Variants in MRPS9 observed in about 807,000 individuals in gnomAD.
MRPS9 encodes the protein mitochondrial ribosomal protein S9.
A neutral mutation model predicts 59.9 loss-of-function variants in MRPS9; 45 were observed. The ratio of observed to expected loss-of-function variants is 0.75; its 90% CI spans 0.59 to 0.96. The LOEUF is 0.96. MRPS9 is among the 40% of genes least tolerant of loss of function. The pLI is 0.00. For synonymous variants in MRPS9, 171 were observed against 166.8 expected, an observed-to-expected ratio of 1.03 and a Z score of -0.19; for missense variants, 473 against 481.1, an observed-to-expected ratio of 0.98 and a Z score of 0.16.
rs749548860 is a variant in MRPS9 at position 105,099,732 on chromosome 2, C to T, written c.1162C>T (p.Arg388Cys). 4 of 1,613,918 alleles carry T rather than the reference C, an allele frequency of 2.5e-6. No homozygotes were observed. The highest frequency in any genetic ancestry group is 2.2e-5 in the East Asian group (1 of 44,882). Reference protein sequence around the residue: ...ERKKPGQEGARRKFTWKKR With the variant: ...ERKKPGQEGACRKFTWKKR ...GAAGAAGCCAGGCCAAGAGGGAGCC[C>T]GCAGAAAGTTTACGTGGAAGAAACG... The change falls in exon 11 of 11, where the codon CGC becomes TGC. Residue 388 changes from arginine to cysteine, a missense_variant. By Grantham distance (180) the Arg-to-Cys change is radical. Coordinates refer to ENST00000258455, the MANE Select transcript of MRPS9 (RefSeq NM_182640.3).
chr2:105,096,649 CGA>C (rs1160074032), intron 9 of MRPS9, among the ~76,000 whole-genome samples: 1 of 151,894 alleles, frequency 6.6e-6, no homozygotes, highest in Non-Finnish European at 1.5e-5. Flanking sequence ...AGTGCAAGGT[CGA>C]AAATAGTTTT....
intron 1 of MRPS9, among the ~76,000 whole-genome samples, chr2:105,043,309 T>C (rs1679533601): frequency 6.6e-6 from 1 of 152,080 alleles, no homozygotes; most frequent in African/African-American, 2.4e-5. Context: ...AGTGGATTTC[T>C]TATTTGTTTA....
chr2:105,074,430 A>C (rs756545633), intron 4 of MRPS9, among the ~76,000 whole-genome samples: 1 of 152,228 alleles, frequency 6.6e-6, no homozygotes, highest in Non-Finnish European at 1.5e-5. Flanking sequence ...TCAGAGGGTA[A>C]TTTTAAAGTA....
intron 1 of MRPS9, among the ~76,000 whole-genome samples, chr2:105,040,174 C>G (rs13406272): frequency 0.4 from 61,352 of 151,520 alleles, 12,425 homozygotes; most frequent in African/African-American, 0.42. Context: ...TTTTTTTTAT[C>G]GTGGTGCAGA....
intron 7 of MRPS9, among the ~76,000 whole-genome samples, chr2:105,090,899 T>C (rs1192623519): frequency 6.6e-6 from 1 of 152,208 alleles, no homozygotes; most frequent in Non-Finnish European, 1.5e-5. Flanking sequence ...ATTAATGATT[T>C]GGAAAAGTTG....
At chr2:105,050,398 C>G (rs1474530581) in intron 2 of MRPS9, among the ~76,000 whole-genome samples, 1 of 152,134 alleles carries the variant, frequency 6.6e-6, no homozygotes, top group Non-Finnish European at 1.5e-5. Context: ...TCTCAGCCTC[C>G]CAAATTGCTG....
At chr2:105,081,103 T>C (rs1359216781) in intron 5 of MRPS9, among the ~76,000 whole-genome samples, 4 of 152,190 alleles carry the variant, frequency 2.6e-5, no homozygotes, top group Non-Finnish European at 5.9e-5. Flanking sequence ...TTCATTTAAA[T>C]AGGTATGTCA....
chr2:105,084,247 A>AATATAGAT (rs754016660), intron 5 of MRPS9, among the ~76,000 whole-genome samples: 4 of 139,598 alleles, frequency 2.9e-5, no homozygotes, highest in Middle Eastern at 3.8e-3. Context: ...TATATACCAA[A>AATATAGAT]ATATATATAT....
intron 1 of MRPS9, among the ~76,000 whole-genome samples, chr2:105,045,746 A>G (rs1241415839): frequency 2.7e-5 from 4 of 150,172 alleles, no homozygotes; most frequent in African/African-American, 9.6e-5. Flanking sequence ...AACCATAGGG[A>G]AATAAAATTG....
At chr2:105,060,017 T>TA (rs10547330) in intron 2 of MRPS9, among the ~76,000 whole-genome samples, 33 of 100,564 alleles carry the variant, frequency 3.3e-4, no homozygotes, top group Non-Finnish European at 5.0e-4. Context: ...GGAAAACTGC[T>TA]AAAAAAAAAA....
At chr2:105,051,067 G>T (rs1679702585) in intron 2 of MRPS9, among the ~76,000 whole-genome samples, 1 of 152,180 alleles carries the variant, frequency 6.6e-6, no homozygotes, top group African/African-American at 2.4e-5. Flanking sequence ...TAAAGTTCTT[G>T]TGTAGACATA....
chr2:105,098,857 A>C (rs1680728972), intron 10 of MRPS9, among the ~76,000 whole-genome samples: 1 of 152,228 alleles, frequency 6.6e-6, no homozygotes, highest in Non-Finnish European at 1.5e-5. Flanking sequence ...AAAGCAATGT[A>C]AGAGCTTTCC....
intron 1 of MRPS9, among the ~76,000 whole-genome samples, chr2:105,039,766 T>G (rs928273880): frequency 3.3e-5 from 5 of 152,226 alleles, no homozygotes; most frequent in South Asian, 2.1e-4. Context: ...TCTACTTTCT[T>G]TGCACTAATA....
rs552593904 is a variant in MRPS9 at position 105,045,240 on chromosome 2, T to C, written c.136-3931T>C. Reference sequence around the variant, plus strand: ...TTGAAGTTGATAGTACATTTAAACATTTTATTCAGAGACACATGTATTGTC... The same window carrying C: ...TTGAAGTTGATAGTACATTTAAACACTTTATTCAGAGACACATGTATTGTC... On this transcript the variant is annotated intron_variant, in intron 1 of 10. Coordinates refer to ENST00000258455, the MANE Select transcript of MRPS9 (RefSeq NM_182640.3). Among the ~76,000 whole-genome samples, 4 of 152,166 alleles carry C rather than the reference T, an allele frequency of 2.6e-5. No individual in the cohort carries two copies. In the South Asian group the frequency reaches 6.2e-4, roughly 24 times the overall value.
chr2:105,051,986 G>T (rs1367535141), intron 2 of MRPS9, among the ~76,000 whole-genome samples: 2 of 152,058 alleles, frequency 1.3e-5, no homozygotes, highest in Non-Finnish European at 2.9e-5. Flanking sequence ...ATATAGAAGG[G>T]TATAGCAGGA....
In MRPS9 at chr2:105,097,242, G is replaced by A. The variant is rs747352683; in HGVS notation, c.1017G>A (p.Ala339=). Residue 339 remains alanine, a synonymous_variant, in exon 10 of 11, where the codon GCG becomes GCA. Transcript: ENST00000258455. ...TCTVSGGGRS[A]QAGAIRLAMA... is the part of the protein sequence containing the mutation. ...CAGTCTCAGGGGGCGGGAGGTCAGC[G>A]CAGGCTGGAGCAATACGACTGGCAA... The A allele has an allele frequency of 2.8e-5, 45 of 1,612,894 alleles. No homozygotes were observed. Among genetic ancestry groups the A allele is most frequent in the Middle Eastern group, 3.3e-4 (2 of 6,080 alleles).
At chr2:105,039,245 T>C (rs895341870) in intron 1 of MRPS9, among the ~76,000 whole-genome samples, 1 of 152,006 alleles carries the variant, frequency 6.6e-6, no homozygotes, top group African/African-American at 2.4e-5. Context: ...AAAAAACATC[T>C]TTTTGTATGT....
chr2:105,082,488 T>C (rs1434965771), intron 5 of MRPS9, among the ~76,000 whole-genome samples: 4 of 152,176 alleles, frequency 2.6e-5, no homozygotes, highest in African/African-American at 9.7e-5. Context: ...AGCGTATATA[T>C]TACGTTATAG....
chr2:105,079,582 T>C (rs1680287925), intron 4 of MRPS9, among the ~76,000 whole-genome samples: 1 of 152,202 alleles, frequency 6.6e-6, no homozygotes, highest in African/African-American at 2.4e-5. Flanking sequence ...TTAGATTCTC[T>C]GAATGCACTG....
Sources: gnomAD v4.1 joint callset for allele counts (sites outside exome capture counted in the v4.1 genomes callset) on GRCh38, gnomAD v4.1.1 for gene constraint, MANE v1.5 for transcripts, NCBI Gene and HGNC (gene_info 2026-07-23, HGNC 2026-07-21) for gene names.